The following KCNK9 variants were observed in gnomAD, a reference collection of about 807,000 sequenced individuals.
KCNK9 encodes the protein potassium channel subfamily K member 9.
A neutral mutation model predicts 10.8 loss-of-function variants in KCNK9; 1 was observed. The ratio of observed to expected loss-of-function variants is 0.09; its 90% CI spans 0.03 to 0.44. KCNK9 has a LOEUF of 0.44. Among genes scored for constraint, KCNK9 ranks in the 20% least tolerant of loss-of-function variants. The pLI is 0.97. For missense variants in KCNK9, 303 were observed against 515.0 expected, an observed-to-expected ratio of 0.59 and a Z score of 3.98; for synonymous variants, 231 against 222.7, an observed-to-expected ratio of 1.04 and a Z score of -0.33.
At chr8:139,666,045 G>A (rs1404095671) in intron 1 of KCNK9, among the ~76,000 whole-genome samples, 1 of 152,242 alleles carries the variant, frequency 6.6e-6, no homozygotes, top group Non-Finnish European at 1.5e-5. Flanking sequence ...CGGGAGCTGT[G>A]TCTTGTAAGG....
At chr8:139,627,712 A>C (rs895500668) in intron 1 of KCNK9, among the ~76,000 whole-genome samples, 2 of 152,268 alleles carry the variant, frequency 1.3e-5, no homozygotes, top group African/African-American at 4.8e-5. Context: ...ATACATCCTA[A>C]TACCCTAGCC....
At chr8:139,679,459 GT>G (rs1266249651) in intron 1 of KCNK9, among the ~76,000 whole-genome samples, 29 of 152,358 alleles carry the variant, frequency 1.9e-4, no homozygotes, top group African/African-American at 6.7e-4. Context: ...ACCCAGACTG[GT>G]CAGATTTTTC....
chr8:139,644,493 A>C (rs1586658402), intron 1 of KCNK9, among the ~76,000 whole-genome samples: 1 of 152,196 alleles, frequency 6.6e-6, no homozygotes, highest in East Asian at 1.9e-4. Context: ...GAGGTGGTTC[A>C]GGGTGGGCTC....
Position 139,619,848 on chromosome 8 carries a change from T to A in KCNK9, c.284-749A>T, listed in dbSNP as rs149475442. The stretch of plus-strand genomic sequence containing the variant: ...CTTTTAAAAATGTTTTGTTCGCTGC[T>A]GTATTCCCCCATACCTAGAAAGTAA... On this transcript the variant is annotated intron_variant, in intron 1 of 1. Coordinates refer to ENST00000520439, the MANE Select transcript of KCNK9 (RefSeq NM_001282534.2). 2.6e-3 allele frequency among the ~76,000 whole-genome samples: 403 copies of A among 152,388 alleles called. 2 individuals carry two copies. Among genetic ancestry groups the A allele is most frequent in the Non-Finnish European group, 2.6e-3 (176 of 68,040 alleles).
At chr8:139,674,966 A>G (rs1208074300) in intron 1 of KCNK9, among the ~76,000 whole-genome samples, 1 of 152,124 alleles carries the variant, frequency 6.6e-6, no homozygotes, top group East Asian at 1.9e-4. Flanking sequence ...CTCACTGACA[A>G]GAGACACAGT....
chr8:139,659,962 A>G (rs1351398782), intron 1 of KCNK9, among the ~76,000 whole-genome samples: 2 of 152,174 alleles, frequency 1.3e-5, no homozygotes, highest in South Asian at 4.1e-4. Flanking sequence ...CCTATTTGTG[A>G]TAACAGGAAA....
At chr8:139,685,960 T>A (rs1046672876) in intron 1 of KCNK9, among the ~76,000 whole-genome samples, 2 of 152,198 alleles carry the variant, frequency 1.3e-5, no homozygotes. Context: ...TCCTGACTTT[T>A]TAATGATCAC....
At chr8:139,642,065 C>T (rs781529613) in intron 1 of KCNK9, among the ~76,000 whole-genome samples, 1 of 152,230 alleles carries the variant, frequency 6.6e-6, no homozygotes, top group Non-Finnish European at 1.5e-5. Context: ...GATGCATACT[C>T]ATCCAAGATA....
intron 1 of KCNK9, among the ~76,000 whole-genome samples, chr8:139,661,205 T>C (rs1816142506): frequency 6.6e-6 from 1 of 152,202 alleles, no homozygotes; most frequent in Non-Finnish European, 1.5e-5. Context: ...CTGAAGACGC[T>C]GAGTTGGGCC....
At chr8:139,662,416 T>G (rs530000337) in intron 1 of KCNK9, among the ~76,000 whole-genome samples, 2 of 152,252 alleles carry the variant, frequency 1.3e-5, no homozygotes, top group East Asian at 3.9e-4. Context: ...GTGAGTTCTT[T>G]ATGCTGAGCT....
At chr8:139,658,809 C>T (rs141069466) in intron 1 of KCNK9, among the ~76,000 whole-genome samples, 1 of 152,384 alleles carries the variant, frequency 6.6e-6, no homozygotes, top group East Asian at 1.9e-4. Context: ...GGCTCTCCTT[C>T]TGGGCTGTTC....
At chr8:139,643,984 G>T (rs576560009) in intron 1 of KCNK9, among the ~76,000 whole-genome samples, 1 of 152,170 alleles carries the variant, frequency 6.6e-6, no homozygotes, top group Non-Finnish European at 1.5e-5. Flanking sequence ...CCATGAAGGC[G>T]GTGATTGTGG....
chr8:139,703,121 A>AGCG lies in KCNK9; in HGVS notation c.-130_-129insCGC, dbSNP rs1285166951. ...CCGCCGCCGCCGCCTCCAAGTTGTAAGCGGCGGCGGCAGCAGCAGCAGCAG... is the reference window on the plus strand; with the variant it reads ...CCGCCGCCGCCGCCTCCAAGTTGTAAGCGGCGGCGGCGGCAGCAGCAGCAGCAG... On this transcript the variant is annotated 5_prime_UTR_variant, in exon 1 of 2. Transcript: ENST00000520439. This position sits in a 1 kb window ranked among gnomAD's most constrained non-coding sequence, Gnocchi z 6.4. The AGCG allele has an allele frequency of 9.7e-6, 6 of 620,748 alleles. No individual in the cohort carries two copies. Among genetic ancestry groups the AGCG allele is most frequent in the Admixed American group, 4.8e-5 (1 of 20,690 alleles). The allele number at this position is 620,748 out of a possible 1,614,324, so 38.5% of individuals were successfully genotyped here.
chr8:139,653,397 C>T (rs1815926084), intron 1 of KCNK9, among the ~76,000 whole-genome samples: 1 of 152,120 alleles, frequency 6.6e-6, no homozygotes, highest in South Asian at 2.1e-4. Context: ...ACCTGGAGTG[C>T]CTGCCTGATC....
chr8:139,634,205 AG>A (rs1815263819), intron 1 of KCNK9, among the ~76,000 whole-genome samples: 1 of 152,216 alleles, frequency 6.6e-6, no homozygotes, highest in African/African-American at 2.4e-5. Flanking sequence ...TTCAGGGACC[AG>A]GTAAGTGCCA....
chr8:139,620,378 C>T (rs1259031976), intron 1 of KCNK9, among the ~76,000 whole-genome samples: 2 of 152,178 alleles, frequency 1.3e-5, no homozygotes, highest in Non-Finnish European at 2.9e-5. Flanking sequence ...TAAGTTTTTT[C>T]AAACCCATGT....
At chr8:139,660,447 A>ATATAT (rs34791987) in intron 1 of KCNK9, among the ~76,000 whole-genome samples, 3,190 of 128,718 alleles carry the variant, frequency 0.025, 42 homozygotes, top group Middle Eastern at 0.059. Context: ...CTGCTAAAAA[A>ATATAT]AAATATATAT....
Position 139,625,307 on chromosome 8 carries a change from G to A in KCNK9, c.284-6208C>T, listed in dbSNP as rs554561947. ...CCCCGGACCCTGGTGGAAGGCTGGGGGCTCCCAGGACAGCACCCACAGGCT... is the reference window on the plus strand; with the variant it reads ...CCCCGGACCCTGGTGGAAGGCTGGGAGCTCCCAGGACAGCACCCACAGGCT... On this transcript the variant is annotated intron_variant, in intron 1 of 1. Transcript: ENST00000520439. Among the ~76,000 whole-genome samples, 3 of 152,316 alleles carry A rather than the reference G, an allele frequency of 2.0e-5. No individual in the cohort carries two copies. In the South Asian group the frequency reaches 6.2e-4, roughly 32 times the overall value.
intron 1 of KCNK9, among the ~76,000 whole-genome samples, chr8:139,641,556 C>A (rs1815505750): frequency 6.6e-6 from 1 of 152,282 alleles, no homozygotes; most frequent in Admixed American, 6.5e-5. Flanking sequence ...TGTCACATGC[C>A]CAGCAAAGGT....
Sources: allele counts gnomAD v4.1 joint callset (sites outside exome capture counted in the v4.1 genomes callset), GRCh38; gene constraint gnomAD v4.1.1; non-coding constraint Gnocchi (gnomAD v3.1); transcripts MANE v1.5; gene names NCBI Gene and HGNC (gene_info 2026-07-23, HGNC 2026-07-21).